Variants in TRHDE observed in about 807,000 individuals in gnomAD.
TRHDE encodes the protein thyrotropin-releasing hormone-degrading ectoenzyme.
TRHDE carries 72 observed loss-of-function variants against 125.7 expected under a neutral mutation model. The ratio of observed to expected loss-of-function variants is 0.57; its 90% CI spans 0.47 to 0.70. The LOEUF is 0.70. TRHDE is among the 30% of genes least tolerant of loss of function. The probability of loss-of-function intolerance (pLI) is 0.00; values close to 1 mark genes in which losing one functional copy is unlikely to be tolerated. For synonymous variants in TRHDE, 509 were observed against 509.1 expected, an observed-to-expected ratio of 1.00 and a Z score of 0.00; for missense variants, 1,110 against 1,327.1, an observed-to-expected ratio of 0.84 and a Z score of 2.54.
intron 17 of TRHDE, among the ~76,000 whole-genome samples, chr12:72,654,035 T>A (rs1482616545): frequency 1.3e-5 from 2 of 152,206 alleles, no homozygotes. Flanking sequence ...ACACATTGAC[T>A]TTTTTAATAT....
intron 3 of TRHDE, among the ~76,000 whole-genome samples, chr12:72,450,657 C>T (rs941164225): frequency 3.9e-5 from 6 of 151,990 alleles, no homozygotes; most frequent in Non-Finnish European, 7.4e-5. Flanking sequence ...GAGATAGACC[C>T]ATAAGAGGGA....
In TRHDE at chr12:72,575,561, C is replaced by T. The variant is rs988587601; in HGVS notation, c.2321+19C>T. The T allele has an allele frequency of 6.2e-7, 1 of 1,612,580 alleles. No individual in the cohort carries two copies. Among genetic ancestry groups the T allele is most frequent in the African/African-American group, 1.3e-5 (1 of 74,838 alleles). ...TAGCCAGGTATGTTTTCCTGTGGATCTCCCCAATAAAAACTTGTGCCTGCA... is the reference window on the plus strand; with the variant it reads ...TAGCCAGGTATGTTTTCCTGTGGATTTCCCCAATAAAAACTTGTGCCTGCA... On this transcript the variant is annotated intron_variant, in intron 12 of 18. Transcript: ENST00000261180.
intron 13 of TRHDE, among the ~76,000 whole-genome samples, chr12:72,619,882 TC>T (rs1246880025): frequency 1.3e-5 from 2 of 152,142 alleles, no homozygotes; most frequent in Admixed American, 1.3e-4. Flanking sequence ...GTGACATGAA[TC>T]TTTTTATTGG....
intron 2 of TRHDE, among the ~76,000 whole-genome samples, chr12:72,234,165 G>T (rs1394298327): frequency 2.0e-5 from 3 of 152,114 alleles, no homozygotes; most frequent in Admixed American, 6.6e-5. Context: ...GTGAATTAAA[G>T]AATTTTTTTT....
intron 2 of TRHDE, among the ~76,000 whole-genome samples, chr12:72,156,806 C>A (rs2139325560): frequency 6.6e-6 from 1 of 152,216 alleles, no homozygotes; most frequent in Non-Finnish European, 1.5e-5. Context: ...TGTCTCATAC[C>A]AACCATATTT....
chr12:72,393,454 G>T (rs1338312164), intron 3 of TRHDE, among the ~76,000 whole-genome samples: 2 of 152,166 alleles, frequency 1.3e-5, no homozygotes, highest in Non-Finnish European at 2.9e-5. Context: ...GAAATGCAGG[G>T]TGTGGGAGGC....
intron 12 of TRHDE, among the ~76,000 whole-genome samples, chr12:72,613,601 C>T (rs748066388): frequency 1.3e-5 from 2 of 152,142 alleles, no homozygotes; most frequent in Non-Finnish European, 2.9e-5. Flanking sequence ...GAGCATATTT[C>T]ATTTTCTGAA....
At chr12:72,264,986 T>A (rs1879033061) in intron 2 of TRHDE, among the ~76,000 whole-genome samples, 1 of 151,750 alleles carries the variant, frequency 6.6e-6, no homozygotes, top group Admixed American at 6.6e-5. Context: ...AGTTAATAAT[T>A]GAATTTTTTG....
intron 12 of TRHDE, among the ~76,000 whole-genome samples, chr12:72,611,920 T>C (rs1459211370): frequency 1.3e-5 from 2 of 152,208 alleles, no homozygotes; most frequent in Non-Finnish European, 2.9e-5. Context: ...CTGACATCTT[T>C]TCTTCACTCA....
chr12:72,597,709 GTATGTA>G lies in TRHDE; in HGVS notation c.2322-21178_2322-21173del, dbSNP rs1308916905. On this transcript the variant is annotated intron_variant, in intron 12 of 18. Coordinates refer to ENST00000261180, the MANE Select transcript of TRHDE (RefSeq NM_013381.3). ...AAGAGAGGTATATATATGTGTGTGT[GTATGTA>G]TATATATATATATATATATATATAT... 3.6e-3 allele frequency among the ~76,000 whole-genome samples: 205 copies of G among 56,900 alleles called. 1 individual carries two copies. The highest frequency in any genetic ancestry group is 8.8e-3 in the African/African-American group (128 of 14,546). The allele number at this position is 56,900 out of a possible 152,430, so 37.3% of individuals were successfully genotyped here. A position where few individuals can be genotyped will look rare whatever the true frequency, so the allele number is the denominator to read the frequency against.
At chr12:72,264,406 C>T (rs1046143221) in intron 2 of TRHDE, 1 of 151,868 alleles carries the variant, frequency 6.6e-6, no homozygotes, top group Non-Finnish European at 1.5e-5. Context: ...TATCATGGGA[C>T]ATTGTTGTAG....
At chr12:72,291,793 G>T (rs555805963) in intron 2 of TRHDE, among the ~76,000 whole-genome samples, 42 of 152,270 alleles carry the variant, frequency 2.8e-4, no homozygotes, top group African/African-American at 9.4e-4. Context: ...TTATATAAGG[G>T]ACTTGAGCAT....
chr12:72,604,240 G>GA (rs928078978), intron 12 of TRHDE, among the ~76,000 whole-genome samples: 1 of 152,004 alleles, frequency 6.6e-6, no homozygotes, highest in African/African-American at 2.4e-5. Flanking sequence ...AAATCCGTAG[G>GA]AAAAAATATT....
chr12:72,217,420 T>C (rs536503483), intron 2 of TRHDE, among the ~76,000 whole-genome samples: 2 of 152,298 alleles, frequency 1.3e-5, no homozygotes, highest in African/African-American at 2.4e-5. Flanking sequence ...CAACAGCTTC[T>C]TAAAAAGCCA....
chr12:72,143,919 C>G (rs1411097865), intron 2 of TRHDE, among the ~76,000 whole-genome samples: 1 of 152,158 alleles, frequency 6.6e-6, no homozygotes, highest in Non-Finnish European at 1.5e-5. Context: ...CCACCATGTT[C>G]AATTACCAGA....
At chr12:72,364,225 T>A (rs1871249109) in intron 2 of TRHDE, among the ~76,000 whole-genome samples, 1 of 151,992 alleles carries the variant, frequency 6.6e-6, no homozygotes, top group Non-Finnish European at 1.5e-5. Context: ...AAGAGTTGAA[T>A]GGAGAGGTAT....
At chr12:72,415,882 T>A (rs1027063820) in intron 3 of TRHDE, among the ~76,000 whole-genome samples, 1 of 152,114 alleles carries the variant, frequency 6.6e-6, no homozygotes, top group Non-Finnish European at 1.5e-5. Context: ...ATTTCCTTTT[T>A]TAAAAAAATG....
intron 2 of TRHDE, among the ~76,000 whole-genome samples, chr12:72,142,291 C>A (rs1876129084): frequency 6.6e-6 from 1 of 152,236 alleles, no homozygotes. Flanking sequence ...TGGATCTCTT[C>A]CATGGGTTCC....
At chr12:72,107,964 CT>C (rs1168524972) in intron 2 of TRHDE, among the ~76,000 whole-genome samples, 1 of 152,060 alleles carries the variant, frequency 6.6e-6, no homozygotes, top group East Asian at 1.9e-4. Context: ...ATGATGTGAC[CT>C]TTTGTTTTGC....
Sources: gnomAD v4.1 joint callset for allele counts (sites outside exome capture counted in the v4.1 genomes callset) on GRCh38, gnomAD v4.1.1 for gene constraint, MANE v1.5 for transcripts, NCBI Gene and HGNC (gene_info 2026-07-23, HGNC 2026-07-21) for gene names.